The following FAAP20 variants were observed in gnomAD, a reference collection of about 807,000 sequenced individuals.
FAAP20 encodes the protein Fanconi anemia core complex-associated protein 20.
In FAAP20, 12 loss-of-function variants were observed where a neutral mutation model predicts 16.2. The ratio of observed to expected loss-of-function variants is 0.74; its 90% confidence interval spans 0.48 to 1.20. The LOEUF is 1.20. Ranked by LOEUF, FAAP20 falls within the 50% of genes most tolerant of loss-of-function variation. FAAP20 has a pLI of 0.00. For synonymous variants in FAAP20, 141 were observed against 110.7 expected (o/e 1.27, Z -1.72); for missense variants, 288 against 245.8 (o/e 1.17, Z -1.15).
intron 3 of FAAP20, chr1:2,190,334 G>A (rs189616307): frequency 2.2e-6 from 1 of 456,348 alleles, no homozygotes; most frequent in Non-Finnish European, 4.4e-6. Context: ...GGCCCCACGC[G>A]GCCCCTGCAC....
At chr1:2,203,259 A>G (rs916351992), upstream of FAAP20, among the ~76,000 whole-genome samples, 1 of 152,200 alleles carries the variant, frequency 6.6e-6, no homozygotes, top group Admixed American at 6.5e-5. Context: ...TAGGATCCCG[A>G]CAGGCCAGAG....
intron 1 of FAAP20, 152 bp from the exon 2 acceptor site, chr1:2,194,285 G>C: frequency 2.3e-6 from 2 of 887,036 alleles, no homozygotes; most frequent in Non-Finnish European, 1.6e-6. Context: ...AGGGTTGGGG[G>C]AAGGGCTGCT....
chr1:2,190,042 A>G (rs1382253358), intron 3 of FAAP20: 1 of 597,926 alleles, frequency 1.7e-6, no homozygotes, highest in African/African-American at 1.8e-5. Context: ...TGTCTCAACA[A>G]GCCTCTCTAT....
downstream of FAAP20, chr1:2,184,512 C>T (rs1231573434): frequency 1.7e-5 from 19 of 1,086,432 alleles, no homozygotes; most frequent in Admixed American, 2.3e-5. Flanking sequence ...GATTGAAGTG[C>T]GTGCAAAACA....
intron 1 of FAAP20, 95 bp from the exon 2 acceptor site, chr1:2,194,228 G>A (rs987479727): frequency 6.7e-7 from 1 of 1,496,040 alleles, no homozygotes; most frequent in Non-Finnish European, 9.0e-7. Flanking sequence ...AGAGCGGGGA[G>A]ATGGGGGGTA....
upstream of FAAP20, among the ~76,000 whole-genome samples, chr1:2,201,574 T>G (rs1056289083): frequency 5.3e-5 from 8 of 152,102 alleles, no homozygotes; most frequent in African/African-American, 1.9e-4. Flanking sequence ...ATACAAAATT[T>G]AGCCGGGCGT....
chr1:2,210,851 G>A (rs1320343225), downstream of FAAP20, among the ~76,000 whole-genome samples: 1 of 152,262 alleles, frequency 6.6e-6, no homozygotes, highest in Non-Finnish European at 1.5e-5. Flanking sequence ...CTGCAGGCTG[G>A]CGTTGCAGAG....
Position 2,194,744 on chromosome 1 carries a change from C to G in FAAP20, c.6G>C (p.Glu2Asp). Residue 2 changes from glutamate (E) to aspartate (D), a missense_variant, in exon 1 of 4, where the codon GAG becomes GAC. Physicochemically the swap from Glu to Asp is conservative, Grantham distance 45. Coordinates refer to ENST00000378546, the MANE Select transcript of FAAP20 (RefSeq NM_182533.4). ...ACCCCAGCCGCGGCCTCCGCGCCGC[C>G]TCCATCCAAGCCCGCGCCGGGCGGA... The part of the protein sequence containing the change: M[E>D]AARRPRLGLS... 1 of 1,195,388 alleles carries G rather than the reference C, an allele frequency of 8.4e-7. No individual in the cohort carries two copies. The highest frequency in any genetic ancestry group is 1.0e-6 in the Non-Finnish European group (1 of 966,564). 74.0% of individuals were successfully genotyped at this position (1,195,388 alleles called of 1,614,324 possible).
downstream of FAAP20, chr1:2,185,269 AG>A: frequency 4.2e-6 from 3 of 715,972 alleles, no homozygotes; most frequent in Non-Finnish European, 5.2e-6. Context: ...GACCCTGCCG[AG>A]GGGGCTGTCA....
At chr1:2,208,056 AC>A (rs1292602231), downstream of FAAP20, among the ~76,000 whole-genome samples, 1 of 152,104 alleles carries the variant, frequency 6.6e-6, no homozygotes, top group Non-Finnish European at 1.5e-5. Flanking sequence ...AGGGCTGGAC[AC>A]CAAGGCCCGT....
chr1:2,188,396 A>G (rs543886615), downstream of FAAP20, among the ~76,000 whole-genome samples: 12 of 152,214 alleles, frequency 7.9e-5, no homozygotes, highest in South Asian at 2.5e-3. Flanking sequence ...GCCCCCGGAG[A>G]GTCTCAGCTC....
downstream of FAAP20, among the ~76,000 whole-genome samples, chr1:2,211,974 C>T (rs1689462740): frequency 7.1e-6 from 1 of 140,286 alleles, no homozygotes; most frequent in Admixed American, 7.6e-5. Flanking sequence ...GTGATCTCGG[C>T]TCACTGCAAG....
rs1453797318 is a variant in FAAP20 at position 2,194,723 on chromosome 1, C to A, written c.27G>T (p.Leu9=). Residue 9 remains leucine, a synonymous_variant, in exon 1 of 4, where the codon CTG becomes CTT. Coordinates refer to ENST00000378546, the MANE Select transcript of FAAP20 (RefSeq NM_182533.4). The part of the protein sequence containing the change: MEAARRPR[L]GLSRRRPRPA... ...GGCGCGGCCTCCGGCGGCTCAACCC[C>A]AGCCGCGGCCTCCGCGCCGCCTCCA... The A allele has an allele frequency of 1.0e-4, 123 of 1,192,802 alleles. 2 individuals carry two copies. The South Asian group carries it at 4.0e-3, about 39-fold the overall frequency. The allele number at this position is 1,192,802 out of a possible 1,614,324, so 73.9% of individuals were successfully genotyped here. A position where few individuals can be genotyped will look rare whatever the true frequency, so the allele number is the denominator to read the frequency against.
At chr1:2,201,843 C>G (rs1010126352), upstream of FAAP20, among the ~76,000 whole-genome samples, 2 of 151,926 alleles carry the variant, frequency 1.3e-5, no homozygotes, top group African/African-American at 4.8e-5. Flanking sequence ...CGGTGAAACC[C>G]TGTTTCTACT....
downstream of FAAP20, among the ~76,000 whole-genome samples, chr1:2,209,316 A>G (rs977328806): frequency 1.3e-5 from 2 of 152,200 alleles, no homozygotes; most frequent in African/African-American, 4.8e-5. Context: ...CCTCCAACTC[A>G]GCACCTCTCG....
chr1:2,211,226 C>CTTTTTTTTTTTTTTT (rs56294751), downstream of FAAP20, among the ~76,000 whole-genome samples: 5 of 101,140 alleles, frequency 4.9e-5, no homozygotes, highest in South Asian at 3.3e-4. Context: ...TTCTTTCTTT[C>CTTTTTTTTTTTTTTT]TTTTTTTTTT....
At chr1:2,211,362 T>C (rs1689431232), downstream of FAAP20, among the ~76,000 whole-genome samples, 1 of 125,748 alleles carries the variant, frequency 8.0e-6, no homozygotes, top group African/African-American at 3.1e-5. Context: ...CCCAAGTAGC[T>C]GGGATTACAG....
chr1:2,209,169 G>A (rs554956560), downstream of FAAP20, among the ~76,000 whole-genome samples: 39 of 150,356 alleles, frequency 2.6e-4, no homozygotes, highest in Admixed American at 1.1e-3. Flanking sequence ...TTACCACTCC[G>A]TCCCCCACCT....
intron 3 of FAAP20, chr1:2,192,090 G>A (rs1425003030): frequency 2.0e-6 from 2 of 985,560 alleles, no homozygotes; most frequent in Non-Finnish European, 2.4e-6. Context: ...TGCGGGACAG[G>A]GCGACGGTTC....
Sources: gnomAD v4.1 joint callset for allele counts (sites outside exome capture counted in the v4.1 genomes callset) on GRCh38, gnomAD v4.1.1 for gene constraint, MANE v1.5 for transcripts, NCBI Gene and HGNC (gene_info 2026-07-23, HGNC 2026-07-21) for gene names.